The following GATA4 variants were observed in gnomAD, a reference collection of about 807,000 sequenced individuals.
GATA4 encodes the protein GATA binding protein 4.
A neutral mutation model predicts 37.9 loss-of-function variants in GATA4; 7 were observed. That is an observed-to-expected ratio of 0.18 (90% CI 0.11 to 0.35). GATA4 has a LOEUF of 0.35. Ranked by LOEUF, GATA4 falls within the 10% of genes least tolerant of loss-of-function variation. The probability of loss-of-function intolerance (pLI) is 1.00; values close to 1 mark genes in which losing one functional copy is unlikely to be tolerated. For missense variants in GATA4, 647 were observed against 653.0 expected, an observed-to-expected ratio of 0.99 and a Z score of 0.10; for synonymous variants, 372 against 292.6, an observed-to-expected ratio of 1.27 and a Z score of -2.77.
intron 5 of GATA4, among the ~76,000 whole-genome samples, chr8:11,755,351 G>A (rs1268776572): frequency 6.6e-6 from 1 of 152,200 alleles, no homozygotes; most frequent in South Asian, 2.1e-4. Flanking sequence ...CTCAACTCAA[G>A]CTGGGGCCTG....
At chr8:11,681,508 G>C in intron 1 of GATA4, 6 of 933,992 alleles carry the variant, frequency 6.4e-6, no homozygotes, top group African/African-American at 2.6e-5. Flanking sequence ...GGGGGGGGGG[G>C]ATGGGGTCGG....
chr8:11,688,391 T>C (rs10100104), upstream of GATA4, among the ~76,000 whole-genome samples: 79,873 of 152,146 alleles, frequency 0.52, 21,975 homozygotes, highest in Non-Finnish European at 0.62. Flanking sequence ...TGAGTATGTA[T>C]TGTGTACCTA....
At chr8:11,745,687 C>T (rs902783224) in intron 2 of GATA4, among the ~76,000 whole-genome samples, 6 of 152,124 alleles carry the variant, frequency 3.9e-5, no homozygotes, top group African/African-American at 1.2e-4. Flanking sequence ...GAGAATCTCC[C>T]CTCCGAACAA....
chr8:11,701,602 G>C (rs991246403), upstream of GATA4, among the ~76,000 whole-genome samples: 1 of 152,190 alleles, frequency 6.6e-6, no homozygotes, highest in South Asian at 2.1e-4. Context: ...AGCGGAGAGC[G>C]AAGGAGGAAA....
chr8:11,680,726 C>T (rs1032552737), intron 1 of GATA4: 9 of 985,216 alleles, frequency 9.1e-6, no homozygotes, highest in African/African-American at 1.7e-5. Flanking sequence ...CGCACGGATA[C>T]CCTGGGCGGC....
rs1236491007 is a variant in GATA4, at chr8:11,758,720, C to G, written c.*245C>G. Reference sequence around the variant, plus strand: ...TTCAGCACGAGCACACTGCATCTCTCCTGTGAGTTGGAGACTTCTTTCCCA... The same window carrying G: ...TTCAGCACGAGCACACTGCATCTCTGCTGTGAGTTGGAGACTTCTTTCCCA... On this transcript the variant is annotated 3_prime_UTR_variant, in exon 7 of 7. Transcript: ENST00000532059. 3.6e-6 allele frequency: 2 copies of G among 559,272 alleles called. No individual in the cohort carries two copies. Among genetic ancestry groups the G allele is most frequent in the African/African-American group, 3.8e-5 (2 of 53,110 alleles). The allele number at this position is 559,272 out of a possible 1,614,324, so 34.6% of individuals were successfully genotyped here.
upstream of GATA4, among the ~76,000 whole-genome samples, chr8:11,702,705 G>C (rs1043196535): frequency 1.3e-5 from 2 of 152,024 alleles, no homozygotes; most frequent in African/African-American, 4.8e-5. The surrounding 1 kb of genome is among the most constrained non-coding windows in gnomAD (Gnocchi z 4.4). Context: ...GAAACCCTAA[G>C]TGTGTCGCCC....
Position 11,709,193 on chromosome 8 carries a change from C to G in GATA4, c.616+265C>G, listed in dbSNP as rs1285626820. Among the ~76,000 whole-genome samples the G allele has an allele frequency of 3.3e-5, 5 of 152,226 alleles. No homozygotes were observed. Among genetic ancestry groups the G allele is most frequent in the African/African-American group, 1.2e-4 (5 of 41,468 alleles). ...CAGGGTCGGAGTGCGGCCTCCCCGCCATCCCAGACATCGACCGTGGCCGCG... is the reference window on the plus strand; with the variant it reads ...CAGGGTCGGAGTGCGGCCTCCCCGCGATCCCAGACATCGACCGTGGCCGCG... On this transcript the variant is annotated intron_variant, in intron 2 of 6. Coordinates refer to ENST00000532059, the MANE Select transcript of GATA4 (RefSeq NM_001308093.3). The surrounding 1 kb of genome is among the most constrained non-coding windows in gnomAD (Gnocchi z 4.3).
At position 11,708,376 on chromosome 8, in the gene GATA4, G is replaced by T; in HGVS notation, c.64G>T (p.Gly22Cys). Residue 22 changes from glycine to cysteine, a missense_variant, in exon 2 of 7, where the codon GGC (glycine) becomes TGC (cysteine). By Grantham distance (159) the Gly-to-Cys change is radical. Around this residue, in one of 5 missense-constraint regions of GATA4, gnomAD observed 379 missense variants for 334.5 expected, o/e 1.13. Coordinates refer to ENST00000532059, the MANE Select transcript of GATA4 (RefSeq NM_001308093.3). The surrounding 1 kb of genome is among the most constrained non-coding windows in gnomAD (Gnocchi z 6.7). ...GPPPGAYEAG[G>C]PGAFMHGAGA... is the part of the protein sequence containing the mutation. Reference sequence around the variant, plus strand: ...GCCCCCCGGTGCCTACGAGGCGGGCGGCCCCGGCGCCTTCATGCACGGCGC... The same window carrying T: ...GCCCCCCGGTGCCTACGAGGCGGGCTGCCCCGGCGCCTTCATGCACGGCGC... The T allele has an allele frequency of 1.9e-6, 3 of 1,555,700 alleles. No homozygotes were observed. Among genetic ancestry groups the T allele is most frequent in the Non-Finnish European group, 2.6e-6 (3 of 1,158,420 alleles).
chr8:11,715,420 A>T (rs945339970), intron 2 of GATA4, among the ~76,000 whole-genome samples: 1 of 152,174 alleles, frequency 6.6e-6, no homozygotes. Context: ...TACATTTAAC[A>T]TACAGGGAAG....
At chr8:11,704,557 C>T (rs11987373) in intron 1 of GATA4, among the ~76,000 whole-genome samples, 1,990 of 152,366 alleles carry the variant, frequency 0.013, 51 homozygotes, top group African/African-American at 0.045. Flanking sequence ...TCCGTGTGAA[C>T]TTGAACGCTT....
In GATA4 at chr8:11,754,940, A is replaced by G. The variant is rs1411739671; in HGVS notation, c.913-106A>G. Reference sequence around the variant, plus strand: ...CCCGTCTGGGCCCCAGGCTTTGTGGAGAGATTGCTTAGGTGTTGCCTTCTC... The same window carrying G: ...CCCGTCTGGGCCCCAGGCTTTGTGGGGAGATTGCTTAGGTGTTGCCTTCTC... On this transcript the variant is annotated intron_variant, in intron 4 of 6. Coordinates refer to ENST00000532059, the MANE Select transcript of GATA4 (RefSeq NM_001308093.3). 4 of 835,680 alleles carry G rather than the reference A, an allele frequency of 4.8e-6. No individual in the cohort carries two copies. The East Asian group carries it at 1.1e-4, about 22-fold the overall frequency. 51.8% of individuals were successfully genotyped at this position (835,680 alleles called of 1,614,324 possible).
At chr8:11,720,442 C>G (rs1235432305) in intron 2 of GATA4, among the ~76,000 whole-genome samples, 1 of 152,028 alleles carries the variant, frequency 6.6e-6, no homozygotes, top group Non-Finnish European at 1.5e-5. Flanking sequence ...ATGGACTCAT[C>G]TTTTCTTTTT....
intron 2 of GATA4, among the ~76,000 whole-genome samples, chr8:11,748,430 C>A (rs1250374820): frequency 6.6e-6 from 1 of 152,120 alleles, no homozygotes; most frequent in Non-Finnish European, 1.5e-5. Context: ...ACAAAGGATA[C>A]AATAGAACCA....
chr8:11,694,755 T>C (rs1257689322), intron 1 of GATA4, among the ~76,000 whole-genome samples: 1 of 152,218 alleles, frequency 6.6e-6, no homozygotes, highest in Non-Finnish European at 1.5e-5. Context: ...ACATCCATTT[T>C]TCTTCCATGA....
chr8:11,729,181 C>G (rs1250024007), intron 2 of GATA4, among the ~76,000 whole-genome samples: 1 of 152,152 alleles, frequency 6.6e-6, no homozygotes, highest in Non-Finnish European at 1.5e-5. Flanking sequence ...CATGATCGTG[C>G]CACTGCACTC....
intron 1 of GATA4, among the ~76,000 whole-genome samples, chr8:11,677,249 A>AGGCCTTTGC (rs1798814530): frequency 1.3e-5 from 2 of 152,314 alleles, no homozygotes; most frequent in South Asian, 4.1e-4. Context: ...AGAGGCTTTG[A>AGGCCTTTGC]GGCCTTTGCG....
At chr8:11,729,384 A>G (rs12541921) in intron 2 of GATA4, among the ~76,000 whole-genome samples, 44,731 of 151,912 alleles carry the variant, frequency 0.29, 8,489 homozygotes, top group Non-Finnish European at 0.43. Context: ...CCTGGCCAAC[A>G]TAGTGAAACC....
intron 1 of GATA4, chr8:11,681,031 A>G (rs889846222): frequency 1.1e-5 from 10 of 940,724 alleles, no homozygotes; most frequent in Non-Finnish European, 1.3e-5. Flanking sequence ...CAGGCTGCAA[A>G]GCACAGATCT....
Sources: gnomAD v4.1 joint callset for allele counts (sites outside exome capture counted in the v4.1 genomes callset) on GRCh38, gnomAD v4.1.1 for gene constraint, gnomAD v4.1.1 regional missense constraint, Gnocchi (gnomAD v3.1) non-coding constraint, MANE v1.5 for transcripts, NCBI Gene and HGNC (gene_info 2026-07-23, HGNC 2026-07-21) for gene names.